Variants in SPAG17 observed in about 807,000 individuals in gnomAD.
SPAG17 encodes the protein sperm associated antigen 17.
SPAG17 carries 169 observed loss-of-function variants against 273.6 expected under a neutral mutation model. That is an observed-to-expected ratio of 0.62 (90% CI 0.55 to 0.70). The LOEUF is 0.70. SPAG17 is among the 30% of genes least tolerant of loss of function. The probability of loss-of-function intolerance (pLI) is 0.00; values close to 1 mark genes in which losing one functional copy is unlikely to be tolerated. For synonymous variants in SPAG17, 825 were observed against 873.2 expected, an observed-to-expected ratio of 0.94 and a Z score of 0.97; for missense variants, 2,557 against 2,627.8, an observed-to-expected ratio of 0.97 and a Z score of 0.59.
At chr1:117,959,301 G>A (rs1652689586) in intron 48 of SPAG17, 11 of 1,609,648 alleles carry the variant, frequency 6.8e-6, no homozygotes, top group South Asian at 2.2e-5. Flanking sequence ...GGATGTTATC[G>A]GCTTCAATAT....
chr1:118,086,694 C>A lies in SPAG17; in HGVS notation c.1588G>T (p.Ala530Ser). 6.2e-7 allele frequency: 1 copy of A among 1,614,060 alleles called. No homozygotes were observed. The highest frequency in any genetic ancestry group is 8.5e-7 in the Non-Finnish European group (1 of 1,179,970). Reference sequence around the variant, plus strand: ...ACCTGTAGTGCGTACTTCTTGTGGGCGTGTGCATCATGATAGTTCAGTAGG... The same window carrying A: ...ACCTGTAGTGCGTACTTCTTGTGGGAGTGTGCATCATGATAGTTCAGTAGG... ...PLLLNYHDAH[A>S]HKKYALQDQK... Residue 530 changes from alanine to serine, a missense_variant, in exon 12 of 49, where the codon GCC (alanine) becomes TCC (serine). Transcript: ENST00000336338.
intron 1 of SPAG17, among the ~76,000 whole-genome samples, chr1:118,156,252 A>T (rs1463280243): frequency 6.6e-6 from 1 of 152,210 alleles, no homozygotes; most frequent in Non-Finnish European, 1.5e-5. Context: ...TTAGGTCAGA[A>T]ATGATGTTTT....
rs1347953563 is a variant in SPAG17, at chr1:118,150,636, G to A, written c.229-7C>T. 8 of 1,440,266 alleles carry A rather than the reference G, an allele frequency of 5.6e-6. No individual in the cohort carries two copies. The highest frequency in any genetic ancestry group is 6.7e-6 in the Non-Finnish European group (7 of 1,043,528). The allele number at this position is 1,440,266 out of a possible 1,614,324, so 89.2% of individuals were successfully genotyped here. A position where few individuals can be genotyped will look rare whatever the true frequency, so the allele number is the denominator to read the frequency against. ...GTGTATTTATTTCATTAATCTGTAA[G>A]AAAATTAAATTTACTTATGATGAAA... On this transcript the variant is annotated splice_polypyrimidine_tract_variant and splice_region_variant and intron_variant, in intron 2 of 48. Coordinates refer to ENST00000336338, the MANE Select transcript of SPAG17 (RefSeq NM_206996.4).
chr1:117,980,455 C>T (rs1655665255), intron 43 of SPAG17, among the ~76,000 whole-genome samples: 1 of 152,180 alleles, frequency 6.6e-6, no homozygotes, highest in South Asian at 2.1e-4. Context: ...TGGTCTTGCA[C>T]TCCCGACCTC....
At chr1:118,093,034 G>T in intron 8 of SPAG17, 122 bp downstream of exon 8, 1 of 1,030,664 alleles carries the variant, frequency 9.7e-7, no homozygotes. Context: ...TTTTATGCCA[G>T]TAGGCAGTAT....
At chr1:118,078,647 T>G (rs145191637) in intron 15 of SPAG17, among the ~76,000 whole-genome samples, 1 of 152,248 alleles carries the variant, frequency 6.6e-6, no homozygotes, top group East Asian at 1.9e-4. Flanking sequence ...ATAGTGGATA[T>G]TCTCCTGATC....
intron 25 of SPAG17, among the ~76,000 whole-genome samples, chr1:118,028,766 C>G (rs1007742717): frequency 3.9e-5 from 6 of 152,096 alleles, no homozygotes; most frequent in Non-Finnish European, 8.8e-5. Flanking sequence ...GTTGGTGTCC[C>G]CCATCCAAAC....
At chr1:118,004,836 T>C (rs557673594) in intron 32 of SPAG17, among the ~76,000 whole-genome samples, 1 of 152,282 alleles carries the variant, frequency 6.6e-6, no homozygotes, top group Admixed American at 6.5e-5. Flanking sequence ...GTCCAACTGG[T>C]CCCAGTGAGA....
intron 10 of SPAG17, among the ~76,000 whole-genome samples, chr1:118,087,793 T>C (rs1351519103): frequency 6.6e-6 from 1 of 152,194 alleles, no homozygotes; most frequent in Non-Finnish European, 1.5e-5. Context: ...CCTATCCCTC[T>C]ACAAGTTTCC....
intron 13 of SPAG17, among the ~76,000 whole-genome samples, chr1:118,082,222 T>A (rs991676420): frequency 6.6e-6 from 1 of 152,198 alleles, no homozygotes; most frequent in East Asian, 1.9e-4. Context: ...CACTCTTTCA[T>A]TGGTTATTAT....
rs1649147055 is a variant in SPAG17 at position 118,036,838 on chromosome 1, A to G, written c.3365T>C (p.Phe1122Ser). Residue 1122 changes from phenylalanine to serine, a missense_variant, in exon 24 of 49, where the codon TTT (phenylalanine) becomes TCT (serine). Phe to Ser is a radical substitution (Grantham distance 155). Transcript: ENST00000336338. The stretch of plus-strand genomic sequence containing the variant: ...GATTCCATTTTCTAAGGTGGCAGAA[A>G]AAGATCCAAACTTGCTGAAAGCTTT... ...KNKAFSKFGS[F>S]SATLENGICL... 1 of 1,561,754 alleles carries G rather than the reference A, an allele frequency of 6.4e-7. No homozygotes were observed. The highest frequency in any genetic ancestry group is 1.7e-4 in the Middle Eastern group (1 of 5,998).
intron 20 of SPAG17, among the ~76,000 whole-genome samples, chr1:118,043,161 T>C (rs944421849): frequency 6.6e-6 from 1 of 152,184 alleles, no homozygotes; most frequent in Non-Finnish European, 1.5e-5. Context: ...AAGAGAGGAT[T>C]ATCAAAAATG....
chr1:118,039,433 T>A lies in SPAG17; in HGVS notation c.3178A>T (p.Ile1060Phe). The change falls in exon 23 of 49, where the codon ATC becomes TTC. Residue 1060 changes from isoleucine (I) to phenylalanine (F), a missense_variant. Physicochemically the swap from Ile to Phe is conservative, Grantham distance 21. Coordinates refer to ENST00000336338, the MANE Select transcript of SPAG17 (RefSeq NM_206996.4). Reference sequence around the variant, plus strand: ...TTGTCCTTTACCACTCTCACTTTGATAAAAGTTGGGCCTGAGGAGGAACCA... The same window carrying A: ...TTGTCCTTTACCACTCTCACTTTGAAAAAAGTTGGGCCTGAGGAGGAACCA... ...KTMFEKGPTFIKVRVVKDNHN... is the reference protein window; with the variant it reads ...KTMFEKGPTFFKVRVVKDNHN... The A allele has an allele frequency of 6.2e-7, 1 of 1,613,320 alleles. No individual in the cohort carries two copies.
In SPAG17 at chr1:117,959,269, A is replaced by G. The variant is rs1377081217; in HGVS notation, c.*4530T>C. 8.8e-6 allele frequency: 14 copies of G among 1,594,930 alleles called. No homozygotes were observed. In the Middle Eastern group the frequency reaches 5.0e-4, roughly 57 times the overall value. On this transcript the variant is annotated intron_variant, in intron 48 of 48. Transcript: ENST00000336338. ...AATTGAAGTGGGAGAAAATTTTTTA[A>G]TATTTCTTGTATTGCACTCCAGGAT... is the stretch of plus-strand genomic sequence containing the variant.
At chr1:118,125,509 C>G (rs933653398) in intron 3 of SPAG17, among the ~76,000 whole-genome samples, 2 of 151,942 alleles carry the variant, frequency 1.3e-5, no homozygotes, top group Admixed American at 6.6e-5. Flanking sequence ...ATCCATGAAC[C>G]AACCTCTCCC....
intron 1 of SPAG17, among the ~76,000 whole-genome samples, chr1:118,179,196 A>G (rs1229387670): frequency 6.6e-6 from 1 of 152,048 alleles, no homozygotes; most frequent in Non-Finnish European, 1.5e-5. Context: ...ATTTCAAAAT[A>G]TAGTAAACAA....
At chr1:118,020,143 A>C (rs949212397) in intron 28 of SPAG17, among the ~76,000 whole-genome samples, 5 of 152,206 alleles carry the variant, frequency 3.3e-5, no homozygotes, top group Non-Finnish European at 7.3e-5. Context: ...ATAAAGAGTC[A>C]TTGCAGGCCA....
rs1199091936 is a variant in SPAG17, at chr1:117,955,322, C to T, written c.*1-1273G>A. ...TTAATCCTTCCTTTATAGCCTTCAG[C>T]TTATGTATTAGAGATTTTTAAAGGG... On this transcript the variant is annotated intron_variant, in intron 48 of 48. Coordinates refer to ENST00000336338, the MANE Select transcript of SPAG17 (RefSeq NM_206996.4). 7 of 1,611,468 alleles carry T rather than the reference C, an allele frequency of 4.3e-6. No individual in the cohort carries two copies. The South Asian group carries it at 7.7e-5, about 18-fold the overall frequency.
rs1012657186 is a variant in SPAG17, at chr1:118,068,140, G to GAT, written c.2386-1243_2386-1242dup. Among the ~76,000 whole-genome samples, 44 of 150,384 alleles carry GAT rather than the reference G, an allele frequency of 2.9e-4. No homozygotes were observed. The East Asian group carries it at 5.8e-3, about 20-fold the overall frequency. ...GTTTGCATATCTGAAGGCATGGAGT[G>GAT]ATATATATATAATATATATATATAT... On this transcript the variant is annotated intron_variant, in intron 17 of 48. Transcript: ENST00000336338.
Sources: allele counts gnomAD v4.1 joint callset (sites outside exome capture counted in the v4.1 genomes callset), GRCh38; gene constraint gnomAD v4.1.1; transcripts MANE v1.5; gene names NCBI Gene and HGNC (gene_info 2026-07-23, HGNC 2026-07-21).